Variants in PARD3B observed in about 807,000 individuals in gnomAD.
PARD3B encodes partitioning defective 3 homolog B.
Under a neutral mutation model 130.2 loss-of-function variants are expected in PARD3B, and 103 were observed. The ratio of observed to expected loss-of-function variants is 0.79; its 90% CI spans 0.67 to 0.93. The LOEUF (loss-of-function observed/expected upper bound fraction) is 0.93. PARD3B is among the 40% of genes least tolerant of loss of function. The probability of loss-of-function intolerance (pLI) is 0.00; values close to 1 mark genes in which losing one functional copy is unlikely to be tolerated. For missense variants in PARD3B, 1,609 were observed against 1,499.2 expected, an observed-to-expected ratio of 1.07 and a Z score of -1.21; for synonymous variants, 583 against 553.2, an observed-to-expected ratio of 1.05 and a Z score of -0.76.
chr2:204,809,466 A>G (rs2042888689), intron 2 of PARD3B, among the ~76,000 whole-genome samples: 1 of 152,126 alleles, frequency 6.6e-6, no homozygotes. Flanking sequence ...GATATAAGGA[A>G]ATGGTCCAGC....
intron 22 of PARD3B, among the ~76,000 whole-genome samples, chr2:205,554,106 G>A (rs1210355055): frequency 6.6e-6 from 1 of 152,210 alleles, no homozygotes; most frequent in Non-Finnish European, 1.5e-5. Flanking sequence ...AGTACATGCA[G>A]TCCAGCTACG....
intron 2 of PARD3B, among the ~76,000 whole-genome samples, chr2:204,962,065 A>G (rs1245699814): frequency 6.6e-6 from 1 of 152,192 alleles, no homozygotes; most frequent in East Asian, 1.9e-4. Context: ...TAGCATATTC[A>G]TAGACTGACC....
intron 2 of PARD3B, among the ~76,000 whole-genome samples, chr2:204,781,696 G>A (rs1000149186): frequency 2.6e-5 from 4 of 152,004 alleles, no homozygotes; most frequent in Non-Finnish European, 5.9e-5. Context: ...ATGATTTATT[G>A]GTTTGAAAAA....
intron 4 of PARD3B, chr2:205,048,736 A>G (rs906258675): frequency 6.6e-6 from 1 of 152,212 alleles, no homozygotes; most frequent in Non-Finnish European, 1.5e-5. Context: ...ATTTGAAATC[A>G]TTAGCTCTTT....
At position 205,458,350 on chromosome 2, in the gene PARD3B, A is replaced by G. The variant is rs1469913713; in HGVS notation, c.3044+17678A>G. On this transcript the variant is annotated intron_variant, in intron 20 of 22. Coordinates refer to ENST00000406610, the MANE Select transcript of PARD3B (RefSeq NM_001302769.2). The surrounding 1 kb of genome is among the most constrained non-coding windows in gnomAD (Gnocchi z 4.8). ...CTCTCTCCCTTCCTTCTGGGATCCA[A>G]TAAAGCAAAAATATTTGACCTTTCT... Among the ~76,000 whole-genome samples, 4 of 151,706 alleles carry G rather than the reference A, an allele frequency of 2.6e-5. No individual in the cohort carries two copies. Among genetic ancestry groups the G allele is most frequent in the Non-Finnish European group, 4.4e-5 (3 of 67,948 alleles).
intron 1 of PARD3B, among the ~76,000 whole-genome samples, chr2:204,656,841 T>C (rs1183674172): frequency 1.3e-5 from 2 of 152,172 alleles, no homozygotes; most frequent in African/African-American, 2.4e-5. Flanking sequence ...CATGTTGAGA[T>C]TTTAATAAGC....
At chr2:205,531,316 G>T (rs2051582296) in intron 21 of PARD3B, among the ~76,000 whole-genome samples, 1 of 152,096 alleles carries the variant, frequency 6.6e-6, no homozygotes, top group Non-Finnish European at 1.5e-5. Flanking sequence ...GAAACATGAA[G>T]CAGGAAATGA....
At chr2:204,776,686 G>T (rs1201104593) in intron 2 of PARD3B, among the ~76,000 whole-genome samples, 1 of 151,894 alleles carries the variant, frequency 6.6e-6, no homozygotes, top group South Asian at 2.1e-4. Context: ...GGTTAGGGAA[G>T]TGGGCAGTTT....
At chr2:204,802,410 A>T (rs2125502789) in intron 2 of PARD3B, among the ~76,000 whole-genome samples, 1 of 152,308 alleles carries the variant, frequency 6.6e-6, no homozygotes, top group Admixed American at 6.5e-5. Flanking sequence ...AAATTAGCTC[A>T]ACCATTGTGG....
chr2:205,612,728 C>A (rs1374422451), intron 22 of PARD3B, among the ~76,000 whole-genome samples: 1 of 152,168 alleles, frequency 6.6e-6, no homozygotes, highest in Non-Finnish European at 1.5e-5. Context: ...GACTTCATTT[C>A]TTGACAAAGA....
rs777247913 is a variant in PARD3B at position 205,500,043 on chromosome 2, C to G, written c.3180+12C>G. ...ATGACCTACTCTGGGTAAGCGCATGCATGATTTCAATCGTTGAATTCATCT... is the reference window on the plus strand; with the variant it reads ...ATGACCTACTCTGGGTAAGCGCATGGATGATTTCAATCGTTGAATTCATCT... On this transcript the variant is annotated intron_variant, in intron 21 of 22. Transcript: ENST00000406610. 3 of 1,611,634 alleles carry G rather than the reference C, an allele frequency of 1.9e-6. No individual in the cohort carries two copies. The highest frequency in any genetic ancestry group is 2.5e-6 in the Non-Finnish European group (3 of 1,178,726).
At chr2:205,552,583 A>G (rs918683745) in intron 21 of PARD3B, among the ~76,000 whole-genome samples, 8 of 151,740 alleles carry the variant, frequency 5.3e-5, no homozygotes, top group African/African-American at 1.9e-4. Flanking sequence ...TAATTTTTGT[A>G]TCTTCAGCAG....
intron 18 of PARD3B, among the ~76,000 whole-genome samples, chr2:205,385,581 C>T (rs1180276429): frequency 2.0e-5 from 3 of 152,108 alleles, no homozygotes; most frequent in African/African-American, 7.2e-5. Flanking sequence ...GATTCTACTT[C>T]ATCTACCAAG....
At chr2:204,997,894 A>T (rs1694363803) in intron 3 of PARD3B, among the ~76,000 whole-genome samples, 1 of 149,332 alleles carries the variant, frequency 6.7e-6, no homozygotes. Flanking sequence ...TAAAATATTT[A>T]CAGTAATGTA....
chr2:204,775,584 C>T (rs942780555), intron 2 of PARD3B, among the ~76,000 whole-genome samples: 1 of 152,146 alleles, frequency 6.6e-6, no homozygotes, highest in Non-Finnish European at 1.5e-5. Context: ...ACAAGGAAAC[C>T]TCCATGACTT....
At chr2:205,376,461 T>C (rs927042299) in intron 18 of PARD3B, among the ~76,000 whole-genome samples, 2 of 144,404 alleles carry the variant, frequency 1.4e-5, no homozygotes, top group African/African-American at 5.0e-5. Flanking sequence ...TGTCTGAGGA[T>C]GGGAGAAGCC....
At chr2:205,019,433 G>A (rs1037660395) in intron 3 of PARD3B, among the ~76,000 whole-genome samples, 4 of 152,142 alleles carry the variant, frequency 2.6e-5, no homozygotes, top group Admixed American at 6.6e-5. Context: ...TATGAATAGT[G>A]ATGCTGTGAA....
At chr2:204,841,351 C>T (rs2044254186) in intron 2 of PARD3B, among the ~76,000 whole-genome samples, 1 of 152,038 alleles carries the variant, frequency 6.6e-6, no homozygotes, top group African/African-American at 2.4e-5. Context: ...AGCAAAACTA[C>T]CAGGTGTTAG....
chr2:205,318,483 GA>G (rs1046812958), intron 18 of PARD3B, among the ~76,000 whole-genome samples: 2 of 152,058 alleles, frequency 1.3e-5, no homozygotes, highest in Admixed American at 6.5e-5. Context: ...AAGGATCTTT[GA>G]CAGGTTAACT....
Sources: allele counts gnomAD v4.1 joint callset (sites outside exome capture counted in the v4.1 genomes callset), GRCh38; gene constraint gnomAD v4.1.1; non-coding constraint Gnocchi (gnomAD v3.1); transcripts MANE v1.5; gene names NCBI Gene and HGNC (gene_info 2026-07-23, HGNC 2026-07-21).